Variants in COX7B2 observed in about 807,000 individuals in gnomAD.
COX7B2 encodes the protein cytochrome c oxidase subunit 7B2, also known as cytochrome c oxidase subunit 7B2, mitochondrial.
For synonymous variants in COX7B2, 37 were observed against 32.1 expected, an observed-to-expected ratio of 1.15 and a Z score of -0.51; for missense variants, 109 against 95.9, an observed-to-expected ratio of 1.14 and a Z score of -0.57.
intron 1 of COX7B2, among the ~76,000 whole-genome samples, chr4:46,871,716 C>T (rs1043525455): frequency 6.7e-6 from 1 of 149,816 alleles, no homozygotes; most frequent in Admixed American, 6.6e-5. Flanking sequence ...TGTGGCCAAA[C>T]AACCATATGA....
At chr4:46,761,099 T>C (rs1716120199) in intron 2 of COX7B2, among the ~76,000 whole-genome samples, 1 of 152,172 alleles carries the variant, frequency 6.6e-6, no homozygotes, top group South Asian at 2.1e-4. Flanking sequence ...ATAAGGCAGA[T>C]GAGCTACTTA....
At chr4:46,892,377 C>T (rs1379794896) in intron 1 of COX7B2, among the ~76,000 whole-genome samples, 2 of 152,118 alleles carry the variant, frequency 1.3e-5, no homozygotes, top group African/African-American at 4.8e-5. Flanking sequence ...TGTCATGTAT[C>T]TTTACTTCTA....
At chr4:46,770,078 A>G (rs552784578) in intron 2 of COX7B2, among the ~76,000 whole-genome samples, 9 of 152,330 alleles carry the variant, frequency 5.9e-5, no homozygotes, top group South Asian at 2.1e-4. Flanking sequence ...TGCAGATGAC[A>G]TGATCTTACA....
At chr4:46,854,067 G>A (rs915944459) in intron 1 of COX7B2, among the ~76,000 whole-genome samples, 1 of 152,082 alleles carries the variant, frequency 6.6e-6, no homozygotes, top group African/African-American at 2.4e-5. Flanking sequence ...AATATAGAGT[G>A]ATTATTTTAA....
chr4:46,737,541 T>A (rs1326760451), intron 2 of COX7B2, among the ~76,000 whole-genome samples: 1 of 152,112 alleles, frequency 6.6e-6, no homozygotes, highest in Non-Finnish European at 1.5e-5. Flanking sequence ...TAAGTGAATA[T>A]TGGTATCCTC....
intron 2 of COX7B2, among the ~76,000 whole-genome samples, chr4:46,790,422 A>C (rs906858740): frequency 1.3e-5 from 2 of 152,190 alleles, no homozygotes; most frequent in Admixed American, 6.5e-5. Context: ...GTTTTTGAGC[A>C]ATAAGTCTGG....
At chr4:46,848,668 GTATT>G (rs1456748007) in intron 1 of COX7B2, among the ~76,000 whole-genome samples, 4 of 151,926 alleles carry the variant, frequency 2.6e-5, no homozygotes, top group Non-Finnish European at 4.4e-5. Flanking sequence ...AAAAAATAGC[GTATT>G]TAAAGTTCTG....
chr4:46,735,054 T>G lies in COX7B2; in HGVS notation c.139A>C (p.Thr47Pro). ...KYGNAVLASG[T>P]AFCVATWVFT... is the part of the protein sequence containing the mutation. ...ACCCATGTAGCAACACAGAAAGCAG[T>G]TCCACTGGCTAGCACAGCATTACCA... Residue 47 changes from threonine to proline, a missense_variant, in exon 3 of 3, where the codon ACT (threonine) becomes CCT (proline). Physicochemically the swap from Thr to Pro is conservative, Grantham distance 38 (BLOSUM62 -1). Transcript: ENST00000355591. The G allele has an allele frequency of 6.2e-7, 1 of 1,614,080 alleles. No individual in the cohort carries two copies. Among genetic ancestry groups the G allele is most frequent in the East Asian group, 2.2e-5 (1 of 44,862 alleles).
At chr4:46,804,468 G>A (rs1300255967) in intron 2 of COX7B2, among the ~76,000 whole-genome samples, 2 of 152,004 alleles carry the variant, frequency 1.3e-5, no homozygotes, top group African/African-American at 4.8e-5. Flanking sequence ...TGATTGGTGT[G>A]TTTACAATCC....
At chr4:46,796,309 C>T (rs1158687547) in intron 2 of COX7B2, among the ~76,000 whole-genome samples, 1 of 147,418 alleles carries the variant, frequency 6.8e-6, no homozygotes, top group Non-Finnish European at 1.5e-5. Flanking sequence ...CCAGTTTTTG[C>T]CCATTTATGC....
At chr4:46,772,102 T>A (rs1716910195) in intron 2 of COX7B2, among the ~76,000 whole-genome samples, 1 of 152,080 alleles carries the variant, frequency 6.6e-6, no homozygotes. Context: ...TACAGTGGAA[T>A]ATTATTGAGC....
chr4:46,794,936 G>A (rs748936950), intron 2 of COX7B2, among the ~76,000 whole-genome samples: 12 of 152,154 alleles, frequency 7.9e-5, no homozygotes, highest in African/African-American at 2.9e-4. Context: ...CAGCCCCTCA[G>A]TGAATTCCCA....
intron 2 of COX7B2, among the ~76,000 whole-genome samples, chr4:46,760,630 C>T (rs760134240): frequency 3.9e-5 from 6 of 152,028 alleles, no homozygotes; most frequent in Non-Finnish European, 8.8e-5. Context: ...ATGGGTGCAG[C>T]AATCCACCAT....
chr4:46,834,015 A>C (rs1560410214), intron 2 of COX7B2, among the ~76,000 whole-genome samples: 1 of 152,190 alleles, frequency 6.6e-6, no homozygotes. Context: ...GAATAATGGG[A>C]GTAAATGAGA....
intron 2 of COX7B2, among the ~76,000 whole-genome samples, chr4:46,804,266 T>C (rs969072723): frequency 6.6e-6 from 1 of 152,168 alleles, no homozygotes; most frequent in Non-Finnish European, 1.5e-5. Flanking sequence ...GTAGCAAGAC[T>C]TACCGCAAAG....
intron 1 of COX7B2, among the ~76,000 whole-genome samples, chr4:46,845,233 C>A (rs1248898882): frequency 6.6e-6 from 1 of 151,928 alleles, no homozygotes; most frequent in African/African-American, 2.4e-5. Flanking sequence ...TACCTGTTTT[C>A]CAATAGTGGT....
intron 2 of COX7B2, among the ~76,000 whole-genome samples, chr4:46,792,697 T>C (rs1718115994): frequency 6.6e-6 from 1 of 152,178 alleles, no homozygotes; most frequent in African/African-American, 2.4e-5. Context: ...TGTGAGACAA[T>C]TCCTTATAAC....
intron 2 of COX7B2, among the ~76,000 whole-genome samples, chr4:46,773,142 G>A (rs1716971230): frequency 6.6e-6 from 1 of 152,076 alleles, no homozygotes; most frequent in South Asian, 2.1e-4. Context: ...ACTCCAGATA[G>A]AAACAAGAAA....
chr4:46,868,816 G>T (rs1007868315), intron 1 of COX7B2, among the ~76,000 whole-genome samples: 2 of 152,088 alleles, frequency 1.3e-5, no homozygotes, highest in Admixed American at 1.3e-4. Flanking sequence ...AGAGTAAGTG[G>T]CATGTGGCAA....
Sources: allele counts gnomAD v4.1 joint callset (sites outside exome capture counted in the v4.1 genomes callset), GRCh38; gene constraint gnomAD v4.1.1; transcripts MANE v1.5; gene names NCBI Gene and HGNC (gene_info 2026-07-23, HGNC 2026-07-21).